The following SUPT3H variants were observed in gnomAD, a reference collection of about 807,000 sequenced individuals.
The protein encoded by SUPT3H is transcription initiation protein SPT3 homolog.
Under a neutral mutation model 44.3 loss-of-function variants are expected in SUPT3H, and 44 were observed. The observed-to-expected ratio is 0.99, with a 90% CI of 0.78 to 1.28. The LOEUF is 1.28. SUPT3H is among the 50% of genes most tolerant of loss of function. SUPT3H has a pLI of 0.00. For missense variants in SUPT3H, 380 were observed against 387.1 expected (o/e 0.98, Z 0.15); for synonymous variants, 124 against 125.6 (o/e 0.99, Z 0.09).
At chr6:45,159,488 C>T in intron 2 of SUPT3H, 1 of 152,116 alleles carries the variant, frequency 6.6e-6, no homozygotes, top group East Asian at 1.9e-4. Context: ...GGATCTAGAG[C>T]CATCAATAGC....
At chr6:44,935,881 C>T (rs539336425) in intron 9 of SUPT3H, among the ~76,000 whole-genome samples, 4 of 152,256 alleles carry the variant, frequency 2.6e-5, no homozygotes, top group African/African-American at 9.6e-5. Context: ...CCTTTTTCTC[C>T]CAACTTAAAA....
chr6:45,314,142 T>G (rs1784374481), intron 2 of SUPT3H, among the ~76,000 whole-genome samples: 1 of 152,156 alleles, frequency 6.6e-6, no homozygotes, highest in Non-Finnish European at 1.5e-5. Context: ...GGGACATACC[T>G]TAATGTAATA....
chr6:45,158,294 ATATATTTTTTTTTTT>A (rs1808284773), intron 2 of SUPT3H, among the ~76,000 whole-genome samples: 2 of 30,534 alleles, frequency 6.6e-5, no homozygotes, highest in African/African-American at 3.0e-4. Context: ...ATATATATAT[ATATATTTTTTTTTTT>A]TTTTTTTTGA....
At chr6:45,142,597 G>A (rs544570517) in intron 2 of SUPT3H, among the ~76,000 whole-genome samples, 2 of 151,870 alleles carry the variant, frequency 1.3e-5, no homozygotes, top group East Asian at 3.9e-4. Flanking sequence ...TTAGTCGGGT[G>A]TGGTGGTGCA....
intron 10 of SUPT3H, among the ~76,000 whole-genome samples, chr6:44,862,726 C>G (rs1297222039): frequency 6.6e-6 from 1 of 150,842 alleles, no homozygotes; most frequent in Non-Finnish European, 1.5e-5. Flanking sequence ...TGATAGAATT[C>G]TATAGTTTCT....
At chr6:45,006,620 CAA>C (rs1782760147) in intron 5 of SUPT3H, among the ~76,000 whole-genome samples, 1 of 152,046 alleles carries the variant, frequency 6.6e-6, no homozygotes, top group Non-Finnish European at 1.5e-5. Flanking sequence ...TTTTCCCAAT[CAA>C]GTAACTTTTT....
chr6:45,115,206 A>C (rs1800662333), intron 2 of SUPT3H, among the ~76,000 whole-genome samples: 1 of 152,158 alleles, frequency 6.6e-6, no homozygotes, highest in Non-Finnish European at 1.5e-5. Context: ...GAGAGTCAAG[A>C]AAGTTAAGAC....
chr6:45,108,962 G>C (rs1799674670), intron 2 of SUPT3H, among the ~76,000 whole-genome samples: 1 of 152,038 alleles, frequency 6.6e-6, no homozygotes, highest in East Asian at 1.9e-4. Flanking sequence ...GAATTAATAA[G>C]TTAGCAAGTT....
intron 2 of SUPT3H, among the ~76,000 whole-genome samples, chr6:45,205,782 G>GC (rs1763135786): frequency 1.3e-5 from 2 of 151,468 alleles, no homozygotes; most frequent in South Asian, 4.2e-4. Flanking sequence ...GGGTGACACA[G>GC]CAAGACTCTG....
At chr6:44,966,650 AT>A (rs1776822202) in intron 6 of SUPT3H, among the ~76,000 whole-genome samples, 1 of 152,134 alleles carries the variant, frequency 6.6e-6, no homozygotes, top group Non-Finnish European at 1.5e-5. Context: ...TCTAGATCAT[AT>A]TACTTGTAAT....
At chr6:45,004,183 G>A (rs573815467) in intron 5 of SUPT3H, among the ~76,000 whole-genome samples, 2 of 152,100 alleles carry the variant, frequency 1.3e-5, no homozygotes, top group Admixed American at 6.6e-5. Context: ...GCAAATACAA[G>A]CTAAGAAAGC....
At chr6:45,018,921 C>G (rs375107245) in intron 4 of SUPT3H, among the ~76,000 whole-genome samples, 2,076 of 151,754 alleles carry the variant, frequency 0.014, 15 homozygotes, top group South Asian at 0.037. Context: ...CAGAAGGAAT[C>G]GTACCAGTTC....
intron 2 of SUPT3H, among the ~76,000 whole-genome samples, chr6:45,223,965 C>T (rs1319483860): frequency 6.7e-6 from 1 of 148,822 alleles, no homozygotes; most frequent in Non-Finnish European, 1.5e-5. Flanking sequence ...ATTACACCAA[C>T]AAGCCTTAAT....
intron 6 of SUPT3H, among the ~76,000 whole-genome samples, chr6:44,977,823 T>G (rs1044397514): frequency 6.6e-6 from 1 of 152,202 alleles, no homozygotes; most frequent in Non-Finnish European, 1.5e-5. Flanking sequence ...TGTATAAAAT[T>G]TGCAATAATC....
chr6:45,102,958 A>G (rs1001483112), intron 3 of SUPT3H, among the ~76,000 whole-genome samples: 3 of 152,124 alleles, frequency 2.0e-5, no homozygotes, highest in African/African-American at 4.8e-5. Flanking sequence ...AAAAAAAAAA[A>G]AAGATGTTCA....
intron 2 of SUPT3H, among the ~76,000 whole-genome samples, chr6:45,342,679 A>G (rs1398356342): frequency 6.6e-6 from 1 of 152,182 alleles, no homozygotes; most frequent in East Asian, 1.9e-4. Context: ...TTATTTGCCA[A>G]TATTTTTCAA....
At chr6:45,263,627 CT>C (rs1417555169) in intron 2 of SUPT3H, among the ~76,000 whole-genome samples, 1 of 152,022 alleles carries the variant, frequency 6.6e-6, no homozygotes, top group Non-Finnish European at 1.5e-5. Context: ...ACCCCTGAAT[CT>C]AAAATAAAAT....
intron 7 of SUPT3H, among the ~76,000 whole-genome samples, chr6:44,959,342 G>C (rs1182403837): frequency 6.6e-6 from 1 of 151,976 alleles, no homozygotes; most frequent in Non-Finnish European, 1.5e-5. Context: ...CATAGAAAAG[G>C]AGGAGAAAAA....
intron 2 of SUPT3H, among the ~76,000 whole-genome samples, chr6:45,249,074 A>G (rs1429030060): frequency 6.6e-6 from 1 of 152,180 alleles, no homozygotes; most frequent in South Asian, 2.1e-4. Flanking sequence ...AAACCACGTG[A>G]TATCGTTTCT....
Sources: gnomAD v4.1 joint callset for allele counts (sites outside exome capture counted in the v4.1 genomes callset) on GRCh38, gnomAD v4.1.1 for gene constraint, MANE v1.5 for transcripts, NCBI Gene and HGNC (gene_info 2026-07-23, HGNC 2026-07-21) for gene names.